The following SERP2 variants were observed in gnomAD, a reference collection of about 807,000 sequenced individuals.
The protein encoded by SERP2 is stress associated endoplasmic reticulum protein family member 2.
SERP2 carries 6 observed loss-of-function variants against 9.1 expected under a neutral mutation model. That is an observed-to-expected ratio of 0.66 (90% CI 0.36 to 1.30). SERP2 has a LOEUF of 1.30. Ranked by LOEUF, SERP2 falls within the 50% of genes most tolerant of loss-of-function variation. The pLI is 0.03. For synonymous variants in SERP2, 37 were observed against 27.3 expected (o/e 1.35, Z -1.10); for missense variants, 58 against 81.9 (o/e 0.71, Z 1.13).
intron 1 of SERP2, among the ~76,000 whole-genome samples, chr13:44,377,513 A>C (rs375066107): frequency 6.6e-6 from 1 of 152,250 alleles, no homozygotes; most frequent in African/African-American, 2.4e-5. Context: ...TGGCACAGTT[A>C]TCTTATGCAA....
intron 2 of SERP2, among the ~76,000 whole-genome samples, chr13:44,389,353 G>A (rs1453713774): frequency 6.6e-6 from 1 of 152,176 alleles, no homozygotes; most frequent in African/African-American, 2.4e-5. Flanking sequence ...TCTTAAAAGA[G>A]GATGGTACTG....
intron 2 of SERP2, 93 bp from the exon 3 acceptor site, chr13:44,397,179 G>A: frequency 2.1e-6 from 2 of 961,632 alleles, no homozygotes; most frequent in Non-Finnish European, 1.7e-6. Flanking sequence ...ACACGTCAGG[G>A]CCCAGGGGTC....
intron 2 of SERP2, 95 bp from the exon 3 acceptor site, chr13:44,397,177 G>A: frequency 1.1e-6 from 1 of 939,620 alleles, no homozygotes; most frequent in South Asian, 1.3e-5. Context: ...TAACACGTCA[G>A]GGCCCAGGGG....
chr13:44,383,544 G>GTTTTTGTTTTT (rs1566091595), intron 2 of SERP2, among the ~76,000 whole-genome samples: 1 of 91,830 alleles, frequency 1.1e-5, no homozygotes, highest in Non-Finnish European at 2.1e-5. Flanking sequence ...GGAGGTTTGC[G>GTTTTTGTTTTT]TTTTTTTTGT....
intron 1 of SERP2, among the ~76,000 whole-genome samples, chr13:44,375,144 C>G (rs1213808689): frequency 6.6e-6 from 1 of 152,128 alleles, no homozygotes; most frequent in Non-Finnish European, 1.5e-5. Context: ...GGAAATCCAG[C>G]TGAAGCCTGG....
At chr13:44,374,794 C>T (rs562313526) in intron 1 of SERP2, among the ~76,000 whole-genome samples, 1 of 152,152 alleles carries the variant, frequency 6.6e-6, no homozygotes, top group Non-Finnish European at 1.5e-5. Flanking sequence ...CCAGCGAGAC[C>T]TCCCTCAGCC....
At chr13:44,375,821 T>TCTGCCA (rs1871618412) in intron 1 of SERP2, among the ~76,000 whole-genome samples, 1 of 152,192 alleles carries the variant, frequency 6.6e-6, no homozygotes, top group Non-Finnish European at 1.5e-5. Flanking sequence ...CACCTCAAGT[T>TCTGCCA]CTTCAAGAAA....
intron 1 of SERP2, among the ~76,000 whole-genome samples, chr13:44,378,014 A>T (rs1005172808): frequency 6.6e-6 from 1 of 152,254 alleles, no homozygotes; most frequent in African/African-American, 2.4e-5. Flanking sequence ...GACACATGCT[A>T]TCAAGAAAAA....
intron 2 of SERP2, among the ~76,000 whole-genome samples, chr13:44,388,807 T>G (rs916817045): frequency 6.6e-6 from 1 of 152,192 alleles, no homozygotes; most frequent in Non-Finnish European, 1.5e-5. Flanking sequence ...CCCAGCCTTG[T>G]GTTTTGGATG....
chr13:44,381,887 G>C (rs1236313308), intron 2 of SERP2, among the ~76,000 whole-genome samples: 4 of 152,032 alleles, frequency 2.6e-5, no homozygotes, highest in African/African-American at 4.8e-5. Context: ...TACTTACTTA[G>C]GTTCATTTCC....
chr13:44,380,393 C>T (rs181899618), intron 2 of SERP2, among the ~76,000 whole-genome samples: 1 of 152,160 alleles, frequency 6.6e-6, no homozygotes, highest in South Asian at 2.1e-4. Flanking sequence ...GATTCCCACC[C>T]TCCAGCATCT....
At chr13:44,378,618 C>T (rs989260375) in intron 1 of SERP2, among the ~76,000 whole-genome samples, 2 of 151,840 alleles carry the variant, frequency 1.3e-5, no homozygotes, top group African/African-American at 4.8e-5. Flanking sequence ...GTGTTGAATG[C>T]AGCCTATTTT....
chr13:44,390,532 G>A (rs1872619766), intron 2 of SERP2: 1 of 438,722 alleles, frequency 2.3e-6, no homozygotes, highest in Non-Finnish European at 4.6e-6. Flanking sequence ...CTCGGGATCT[G>A]AGATGCACAG....
chr13:44,375,629 A>T (rs1057121506), intron 1 of SERP2, among the ~76,000 whole-genome samples: 18 of 152,246 alleles, frequency 1.2e-4, no homozygotes, highest in African/African-American at 4.3e-4. Flanking sequence ...TCAAGGGATC[A>T]GACCTGCTAA....
intron 2 of SERP2, chr13:44,390,390 G>A (rs1451845783): frequency 6.6e-6 from 3 of 452,768 alleles, no homozygotes; most frequent in African/African-American, 6.1e-5. Flanking sequence ...CCTGGAGACT[G>A]CCAGAACTTT....
intron 2 of SERP2, among the ~76,000 whole-genome samples, chr13:44,391,361 A>G (rs1038369378): frequency 6.6e-6 from 1 of 152,228 alleles, no homozygotes; most frequent in Non-Finnish European, 1.5e-5. Context: ...TGAGGTTTTT[A>G]AAATGTAATT....
intron 2 of SERP2, among the ~76,000 whole-genome samples, chr13:44,386,816 T>C (rs1872343883): frequency 6.6e-6 from 1 of 152,250 alleles, no homozygotes; most frequent in South Asian, 2.1e-4. Context: ...GGATTTTGTT[T>C]TGCTTGAGTC....
chr13:44,380,904 T>C (rs1871932327), intron 2 of SERP2, among the ~76,000 whole-genome samples: 1 of 152,198 alleles, frequency 6.6e-6, no homozygotes, highest in Non-Finnish European at 1.5e-5. Flanking sequence ...TTGTTCAGAT[T>C]TGAACTCCTA....
rs1213070651 is a variant in SERP2, at chr13:44,374,377, C to CCCT, written c.84+274_84+276dup. 2.6e-5 allele frequency among the ~76,000 whole-genome samples: 4 copies of CCCT among 152,296 alleles called. No homozygotes were observed. In the East Asian group the frequency reaches 5.8e-4, roughly 22 times the overall value. Reference sequence around the variant, plus strand: ...GGGCTACCAGGGAGGCGCAGAGGAGCCCTCCTCCCCGACCCGCACCCCCTG... The same window carrying CCCT: ...GGGCTACCAGGGAGGCGCAGAGGAGCCCTCCTCCTCCCCGACCCGCACCCCCTG... On this transcript the variant is annotated intron_variant, in intron 1 of 2. Transcript: ENST00000379179.
Sources: gnomAD v4.1 joint callset for allele counts (sites outside exome capture counted in the v4.1 genomes callset) on GRCh38, gnomAD v4.1.1 for gene constraint, MANE v1.5 for transcripts, NCBI Gene and HGNC (gene_info 2026-07-23, HGNC 2026-07-21) for gene names.